The following PPFIA1 variants were observed in gnomAD, a reference collection of about 807,000 sequenced individuals.
The protein encoded by PPFIA1 is PPFI scaffold protein A1.
PPFIA1 carries 25 observed loss-of-function variants against 149.9 expected under a neutral mutation model. The observed-to-expected ratio is 0.17, with a 90% CI of 0.12 to 0.23. The LOEUF is 0.23. Among genes scored for constraint, PPFIA1 ranks in the 10% least tolerant of loss-of-function variants. PPFIA1 has a pLI of 1.00. For synonymous variants in PPFIA1, 549 were observed against 552.8 expected, an observed-to-expected ratio of 0.99 and a Z score of 0.10; for missense variants, 1,362 against 1,506.5, an observed-to-expected ratio of 0.90 and a Z score of 1.59.
intron 11 of PPFIA1, among the ~76,000 whole-genome samples, chr11:70,336,238 C>CA (rs1192988612): frequency 6.6e-6 from 1 of 152,128 alleles, no homozygotes; most frequent in Non-Finnish European, 1.5e-5. Flanking sequence ...CGTGGTGGCT[C>CA]ACGTCTGTAA....
At chr11:70,295,928 G>A (rs1244873821) in intron 2 of PPFIA1, among the ~76,000 whole-genome samples, 1 of 151,882 alleles carries the variant, frequency 6.6e-6, no homozygotes, top group Non-Finnish European at 1.5e-5. Context: ...TCTCAGACGG[G>A]GCGGTTGCCA....
chr11:70,349,840 G>T, intron 16 of PPFIA1: 3 of 445,808 alleles, frequency 6.7e-6, no homozygotes, highest in South Asian at 1.6e-5. Flanking sequence ...TTCTGGTTTT[G>T]TAATTCTGTA....
chr11:70,348,108 G>C, intron 15 of PPFIA1, 81 bp from the exon 16 acceptor site: 1 of 1,206,944 alleles, frequency 8.3e-7, no homozygotes, highest in Non-Finnish European at 1.2e-6. Flanking sequence ...GTAATACAGA[G>C]TATAAGCATG....
At chr11:70,373,816 G>A (rs1274859862) in intron 23 of PPFIA1, 1 of 152,212 alleles carries the variant, frequency 6.6e-6, no homozygotes, top group Non-Finnish European at 1.5e-5. Flanking sequence ...AAGTCTACTT[G>A]TGATTGAGTT....
intron 2 of PPFIA1, among the ~76,000 whole-genome samples, chr11:70,292,969 C>G (rs372342785): frequency 6.6e-6 from 1 of 152,194 alleles, no homozygotes; most frequent in Admixed American, 6.5e-5. Flanking sequence ...GCACCTACTC[C>G]ACCTTTGAGC....
At chr11:70,357,886 C>T (rs1433441298) in intron 19 of PPFIA1, among the ~76,000 whole-genome samples, 3 of 152,104 alleles carry the variant, frequency 2.0e-5, no homozygotes, top group East Asian at 1.9e-4. Flanking sequence ...CGCGCCCAGC[C>T]AAGAATGTTT....
In PPFIA1 at chr11:70,272,440, T is replaced by A; in HGVS notation, c.264+4T>A. 6.3e-7 allele frequency: 1 copy of A among 1,597,470 alleles called. No individual in the cohort carries two copies. The highest frequency in any genetic ancestry group is 8.5e-7 in the Non-Finnish European group (1 of 1,171,176). On this transcript the variant is annotated splice_donor_region_variant and intron_variant, in intron 2 of 27. Coordinates refer to ENST00000253925, the MANE Select transcript of PPFIA1 (RefSeq NM_003626.5). ...GCTCAACACGGCACTTCCACAGGTA[T>A]GAGTGCTTTTAACCTGAAACTATAG... is the stretch of plus-strand genomic sequence containing the variant.
chr11:70,315,678 G>GTTTTTTTTTTTTTTTTTT (rs71049904), intron 2 of PPFIA1, among the ~76,000 whole-genome samples: 6 of 73,014 alleles, frequency 8.2e-5, no homozygotes, highest in Admixed American at 1.9e-4. Flanking sequence ...CTTTTTTTCT[G>GTTTTTTTTTTTTTTTTTT]TTTTTTTTTT....
intron 2 of PPFIA1, among the ~76,000 whole-genome samples, chr11:70,311,671 T>C (rs750867547): frequency 2.6e-5 from 4 of 152,116 alleles, no homozygotes; most frequent in Non-Finnish European, 1.5e-5. Context: ...ATGGCACTTT[T>C]GATGGTTTTC....
At chr11:70,315,678 G>GTTTTTTT (rs71049904) in intron 2 of PPFIA1, among the ~76,000 whole-genome samples, 5 of 73,014 alleles carry the variant, frequency 6.8e-5, no homozygotes, top group Non-Finnish European at 9.8e-5. Flanking sequence ...CTTTTTTTCT[G>GTTTTTTT]TTTTTTTTTT....
At chr11:70,285,827 G>C (rs1328973532) in intron 2 of PPFIA1, among the ~76,000 whole-genome samples, 1 of 152,050 alleles carries the variant, frequency 6.6e-6, no homozygotes, top group African/African-American at 2.4e-5. Context: ...AATGTATTCA[G>C]GTATTTTGAG....
chr11:70,358,023 ATAGTAAG>A (rs1205443167), intron 19 of PPFIA1, among the ~76,000 whole-genome samples: 9 of 152,288 alleles, frequency 5.9e-5, no homozygotes, highest in Non-Finnish European at 1.2e-4. Context: ...TGTTTTTATG[ATAGTAAG>A]TATGAGGAAG....
At chr11:70,362,794 CA>C (rs1385832714) in intron 21 of PPFIA1, 22 of 194,388 alleles carry the variant, frequency 1.1e-4, no homozygotes, top group East Asian at 2.5e-4. Context: ...ACGAAAATAC[CA>C]AAAAAAATTG....
In PPFIA1 at chr11:70,354,399, G is replaced by A; in HGVS notation, c.2262G>A (p.Leu754=). The A allele has an allele frequency of 6.2e-7, 1 of 1,613,990 alleles. No individual in the cohort carries two copies. Among genetic ancestry groups the A allele is most frequent in the South Asian group, 1.1e-5 (1 of 91,064 alleles). Residue 754 remains leucine (L), a synonymous_variant, in exon 17 of 28, where the codon CTG becomes CTA. Transcript: ENST00000253925. ...CGAGAGCCCTTCGGTTAGACCGGCT[G>A]CACAAAGGGGCGCTGCACACCGTCA... ...SSPRALRLDR[L]HKGALHTVSH...
At chr11:70,329,898 A>G in intron 7 of PPFIA1, 1 of 341,138 alleles carries the variant, frequency 2.9e-6, no homozygotes, top group Non-Finnish European at 5.3e-6. Context: ...ACAGCATTCC[A>G]TCCTAGGTGA....
chr11:70,295,010 C>G lies in PPFIA1; in HGVS notation c.264+22574C>G, dbSNP rs527544951. ...TCTCAATCTTTTCCCCGCCTTTCCC[C>G]GCTTTCTATTCCACAAAACCGCCAT... On this transcript the variant is annotated intron_variant, in intron 2 of 27. Transcript: ENST00000253925. Among the ~76,000 whole-genome samples the G allele has an allele frequency of 6.0e-3, 910 of 152,328 alleles. 10 individuals carry two copies. Among genetic ancestry groups the G allele is most frequent in the African/African-American group, 0.02 (822 of 41,568 alleles).
chr11:70,326,905 C>G, intron 7 of PPFIA1, 87 bp downstream of exon 7: 1 of 1,072,210 alleles, frequency 9.3e-7, no homozygotes, highest in Non-Finnish European at 1.4e-6. Context: ...CTGTTTGTCT[C>G]TTACTCTCCC....
At chr11:70,307,417 A>G (rs771803596) in intron 2 of PPFIA1, among the ~76,000 whole-genome samples, 1 of 152,220 alleles carries the variant, frequency 6.6e-6, no homozygotes, top group Non-Finnish European at 1.5e-5. Flanking sequence ...ATATGGAAAT[A>G]TCCTTAACTG....
chr11:70,377,229 A>G (rs572657165), intron 25 of PPFIA1, among the ~76,000 whole-genome samples: 1 of 152,312 alleles, frequency 6.6e-6, no homozygotes, highest in East Asian at 1.9e-4. Context: ...AGAGTCTGTA[A>G]GTTGGGTTTT....
Sources: gnomAD v4.1 joint callset for allele counts (sites outside exome capture counted in the v4.1 genomes callset) on GRCh38, gnomAD v4.1.1 for gene constraint, MANE v1.5 for transcripts, NCBI Gene and HGNC (gene_info 2026-07-23, HGNC 2026-07-21) for gene names.